The following DNAH10 variants were observed in gnomAD, a reference collection of about 807,000 sequenced individuals.
The protein encoded by DNAH10 is axonemal beta dynein heavy chain 10.
In DNAH10, 348 loss-of-function variants were observed where a neutral mutation model predicts 506.6. The observed-to-expected ratio is 0.69, with a 90% CI of 0.63 to 0.75. The LOEUF (loss-of-function observed/expected upper bound fraction) is 0.75, where lower values mean the gene tolerates loss of function less well. DNAH10 is among the 30% of genes least tolerant of loss of function. DNAH10 has a pLI of 0.00. For missense variants in DNAH10, 5,179 were observed against 5,787.1 expected, an observed-to-expected ratio of 0.89 and a Z score of 3.41; for synonymous variants, 2,059 against 2,198.6, an observed-to-expected ratio of 0.94 and a Z score of 1.78.
intron 46 of DNAH10, among the ~76,000 whole-genome samples, chr12:123,874,261 G>A (rs1456334535): frequency 3.2e-5 from 4 of 123,102 alleles, no homozygotes; most frequent in South Asian, 3.0e-4. Context: ...GCCAGAGTCC[G>A]TCCGTCCATC....
Position 123,781,170 on chromosome 12 carries a change from G to T in DNAH10, c.712G>T (p.Glu238Ter). The change falls in exon 6 of 79, where the codon GAA becomes TAA. Residue 238 changes from glutamate to a stop codon, truncating the protein, a stop_gained. Coordinates refer to ENST00000673944, the MANE Select transcript of DNAH10 (RefSeq NM_001372106.1). LOFTEE classifies it high-confidence loss of function. ...AGAAGTCTCTAATTCCTCTGAGCAT[G>T]AATCAGACCTGCCGCCCATGCCTGG... ...SGEVSNSSEH[E>*]SDLPPMPGEA... 6.2e-7 allele frequency: 1 copy of T among 1,614,132 alleles called. No individual in the cohort carries two copies. Among genetic ancestry groups the T allele is most frequent in the Non-Finnish European group, 8.5e-7 (1 of 1,180,030 alleles).
In DNAH10 at chr12:123,848,223, C is replaced by G. The variant is rs1951032537; in HGVS notation, c.5949+128C>G. 5.9e-6 allele frequency: 8 copies of G among 1,352,784 alleles called. No homozygotes were observed. The South Asian group carries it at 1.1e-4, about 19-fold the overall frequency. 83.8% of individuals were successfully genotyped at this position (1,352,784 alleles called of 1,614,324 possible). ...AAGCTAGTAGAAAACCTTCCACCAC[C>G]ACAGCCCCAGAACCTAAGTGTGTCT... On this transcript the variant is annotated intron_variant, in intron 33 of 78. Transcript: ENST00000673944.
At chr12:123,802,445 A>T (rs1010354829) in intron 16 of DNAH10, among the ~76,000 whole-genome samples, 2 of 152,108 alleles carry the variant, frequency 1.3e-5, no homozygotes, top group African/African-American at 4.8e-5. Flanking sequence ...AGCTTGGATT[A>T]TAGGCACCTG....
rs371984125 is a variant in DNAH10 at position 123,820,588 on chromosome 12, C to A, written c.4009C>A (p.Leu1337Ile). ...GTGTATTTATTTACTAGGAGTAGAGCTTTTAGGTGTTTATGAAAGAGAGCT... is the reference window on the plus strand; with the variant it reads ...GTGTATTTATTTACTAGGAGTAGAGATTTTAGGTGTTTATGAAAGAGAGCT... Reference protein sequence around the residue: ...VGDDLDKGVELLGVYERELAR... With the variant: ...VGDDLDKGVEILGVYERELAR... Residue 1337 changes from leucine (L) to isoleucine (I), a missense_variant, in exon 24 of 79, where the codon CTT becomes ATT. This residue lies in a region of DNAH10 where 4,844 missense variants were observed against 5,430.5 expected (regional missense o/e 0.89). Transcript: ENST00000673944. The A allele has an allele frequency of 2.2e-5, 36 of 1,613,638 alleles. No individual in the cohort carries two copies. The South Asian group carries it at 2.5e-4, about 11-fold the overall frequency.
intron 13 of DNAH10, 21 bp from the exon 14 acceptor site, chr12:123,799,225 G>T (rs773250523): frequency 6.3e-7 from 1 of 1,592,626 alleles, no homozygotes. Context: ...CAAAATGACG[G>T]TTGCTTGAAT....
chr12:123,848,278 G>A (rs1373633925), intron 33 of DNAH10, among the ~76,000 whole-genome samples, 183 bp downstream of exon 33: 2 of 152,260 alleles, frequency 1.3e-5, no homozygotes, highest in African/African-American at 2.4e-5. Flanking sequence ...TTAGCAGGAT[G>A]TAGAGCAAGA....
At position 123,790,072 on chromosome 12, in the gene DNAH10, C is replaced by A; in HGVS notation, c.1766C>A (p.Ser589Tyr). The change falls in exon 11 of 79, where the codon TCC (serine) becomes TAC (tyrosine). Residue 589 changes from serine (S) to tyrosine (Y), a missense_variant. Transcript: ENST00000673944. ...ACCTTTGACCCCTTCAGCATCAAGT[C>A]CTCCCAGTTCTGGAAATATGTGATG... ...NLTFDPFSIK[S>Y]SQFWKYVMDE... The A allele has an allele frequency of 6.2e-7, 1 of 1,614,134 alleles. No homozygotes were observed. Among genetic ancestry groups the A allele is most frequent in the Non-Finnish European group, 8.5e-7 (1 of 1,180,030 alleles).
At chr12:123,890,488 A>G (rs1952933816) in intron 52 of DNAH10, among the ~76,000 whole-genome samples, 1 of 150,774 alleles carries the variant, frequency 6.6e-6, no homozygotes, top group South Asian at 2.1e-4. Context: ...GTCTTCCTGC[A>G]TTGCCCAGGC....
intron 65 of DNAH10, among the ~76,000 whole-genome samples, chr12:123,920,531 T>A: frequency 6.6e-6 from 1 of 152,232 alleles, no homozygotes; most frequent in East Asian, 1.9e-4. Flanking sequence ...TTGCTTGTGG[T>A]TTGCCCATCC....
chr12:123,917,742 T>C lies in DNAH10; in HGVS notation c.11161T>C (p.Ser3721Pro), dbSNP rs750432090. 1.5e-5 allele frequency: 24 copies of C among 1,573,010 alleles called. No individual in the cohort carries two copies. In the Admixed American group the frequency reaches 4.4e-4, roughly 29 times the overall value. Residue 3721 changes from serine (S) to proline (P), a missense_variant, in exon 64 of 79, where the codon TCC becomes CCC. Around this residue, in one of 3 missense-constraint regions of DNAH10, gnomAD observed 4,844 missense variants for 5,430.5 expected, o/e 0.89. Transcript: ENST00000673944. This position sits in a 1 kb window ranked among gnomAD's most constrained non-coding sequence, Gnocchi z 5.6. ...TTCCCTCCTTCGGGAGCTGGCCACG[T>C]CCACGGGGAACATGCTGGACAATGT... is the stretch of plus-strand genomic sequence containing the variant. ...EDSLLRELATSTGNMLDNVDL... is the reference protein window; with the variant it reads ...EDSLLRELATPTGNMLDNVDL...
intron 30 of DNAH10, among the ~76,000 whole-genome samples, chr12:123,843,724 C>T (rs556807830): frequency 5.3e-5 from 8 of 152,274 alleles, no homozygotes; most frequent in African/African-American, 1.7e-4. Flanking sequence ...ATTACAGGTG[C>T]ACATCACCAC....
intron 2 of DNAH10, among the ~76,000 whole-genome samples, chr12:123,768,577 A>G (rs1041094739): frequency 5.3e-5 from 8 of 152,076 alleles, no homozygotes; most frequent in African/African-American, 1.7e-4. Context: ...ATTGTGGGGG[A>G]CACTCTTCAA....
At chr12:123,867,436 T>C (rs770902667) in intron 41 of DNAH10, 31 bp from the exon 42 acceptor site, 4 of 1,599,874 alleles carry the variant, frequency 2.5e-6, no homozygotes, top group South Asian at 1.1e-5. Flanking sequence ...AACAAACCCT[T>C]GAAATGCTTT....
intron 24 of DNAH10, among the ~76,000 whole-genome samples, 197 bp from the exon 25 acceptor site, chr12:123,826,490 G>A (rs1178191043): frequency 6.6e-6 from 1 of 152,190 alleles, no homozygotes; most frequent in African/African-American, 2.4e-5. Context: ...TTTTGCAAAA[G>A]CTTACAAAAA....
rs375649114 is a variant in DNAH10, at chr12:123,914,298, T to TG, written c.10353-31_10353-30insG. 31 of 1,595,532 alleles carry TG rather than the reference T, an allele frequency of 1.9e-5. No homozygotes were observed. In the Middle Eastern group the frequency reaches 5.0e-4, roughly 26 times the overall value. ...TTTTGGTTGTGGCCAGAAGGTAAACTCACGGCAGCCTCCCTCTCCTCCCGT... is the reference window on the plus strand; with the variant it reads ...TTTTGGTTGTGGCCAGAAGGTAAACTGCACGGCAGCCTCCCTCTCCTCCCGT... On this transcript the variant is annotated intron_variant, in intron 60 of 78. Coordinates refer to ENST00000673944, the MANE Select transcript of DNAH10 (RefSeq NM_001372106.1).
At chr12:123,897,004 A>G (rs1195693007) in intron 54 of DNAH10, among the ~76,000 whole-genome samples, 1 of 152,034 alleles carries the variant, frequency 6.6e-6, no homozygotes, top group Admixed American at 6.6e-5. Context: ...CGAACTCCCC[A>G]TCGCCCCTCC....
chr12:123,833,451 G>C, intron 27 of DNAH10, 104 bp downstream of exon 27: 5 of 877,614 alleles, frequency 5.7e-6, no homozygotes, highest in Non-Finnish European at 8.7e-6. Context: ...GATATTTTGT[G>C]CTTAGAAACA....
chr12:123,922,188 C>G (rs1594389933), intron 65 of DNAH10, among the ~76,000 whole-genome samples: 1 of 151,996 alleles, frequency 6.6e-6, no homozygotes, highest in Non-Finnish European at 1.5e-5. Flanking sequence ...TCCTGGCCAA[C>G]CTGGTGAAAC....
intron 29 of DNAH10, among the ~76,000 whole-genome samples, chr12:123,839,135 G>A (rs1041662385): frequency 6.6e-6 from 1 of 151,632 alleles, no homozygotes; most frequent in Admixed American, 6.6e-5. Flanking sequence ...TGAAGTGTAA[G>A]CCTGATGATA....
Sources: gnomAD v4.1 joint callset for allele counts (sites outside exome capture counted in the v4.1 genomes callset) on GRCh38, gnomAD v4.1.1 for gene constraint, gnomAD v4.1.1 regional missense constraint, Gnocchi (gnomAD v3.1) non-coding constraint, MANE v1.5 for transcripts, NCBI Gene and HGNC (gene_info 2026-07-23, HGNC 2026-07-21) for gene names.